The following CFAP70 variants were observed in gnomAD, a reference collection of about 807,000 sequenced individuals.
CFAP70 encodes the protein cilia- and flagella-associated protein 70.
A neutral mutation model predicts 137.6 loss-of-function variants in CFAP70; 81 were observed. That is an observed-to-expected ratio of 0.59 (90% CI 0.49 to 0.71). The LOEUF is 0.71. CFAP70 is among the 30% of genes least tolerant of loss of function. The probability of loss-of-function intolerance (pLI) is 0.00; values close to 1 mark genes in which losing one functional copy is unlikely to be tolerated. For missense variants in CFAP70, 976 were observed against 1,226.7 expected (o/e 0.80, Z 3.05); for synonymous variants, 382 against 423.6 (o/e 0.90, Z 1.20).
chr10:73,283,154 T>C (rs2047388977), intron 19 of CFAP70, among the ~76,000 whole-genome samples: 1 of 152,188 alleles, frequency 6.6e-6, no homozygotes, highest in African/African-American at 2.4e-5. Context: ...TTTCCTGTTA[T>C]CTTTCTATTA....
intron 9 of CFAP70, among the ~76,000 whole-genome samples, chr10:73,315,594 CTT>C: frequency 1.3e-5 from 2 of 152,104 alleles, no homozygotes; most frequent in African/African-American, 4.8e-5. Flanking sequence ...GGGTCTCACT[CTT>C]GTCACCCAAG....
At chr10:73,279,480 T>C (rs1361100823) in intron 19 of CFAP70, among the ~76,000 whole-genome samples, 2 of 151,034 alleles carry the variant, frequency 1.3e-5, no homozygotes, top group African/African-American at 4.9e-5. Context: ...GCCCAGATGG[T>C]GCCACTGCAC....
In CFAP70 at chr10:73,311,927, G is replaced by T; in HGVS notation, c.1084-13C>A. On this transcript the variant is annotated splice_polypyrimidine_tract_variant and intron_variant, in intron 10 of 26. Transcript: ENST00000310715. ...TACTAGGTGCCTGCTGAAAGAAAAT[G>T]AACACACCTCAAAAATTGAATTCCT... 5 of 1,603,578 alleles carry T rather than the reference G, an allele frequency of 3.1e-6. No individual in the cohort carries two copies. The highest frequency in any genetic ancestry group is 4.3e-6 in the Non-Finnish European group (5 of 1,170,618).
intron 8 of CFAP70, 63 bp from the exon 10 acceptor site, chr10:73,323,160 C>T (rs2051032341): frequency 7.0e-7 from 1 of 1,438,084 alleles, no homozygotes; most frequent in Non-Finnish European, 9.2e-7. Flanking sequence ...GTATGGAGCT[C>T]TGACTCAGCA....
intron 25 of CFAP70, among the ~76,000 whole-genome samples, chr10:73,268,162 A>G (rs1409671363): frequency 1.3e-5 from 2 of 152,208 alleles, no homozygotes; most frequent in African/African-American, 4.8e-5. Flanking sequence ...TAATAGATTA[A>G]TCTTAGGGGA....
chr10:73,313,344 C>A (rs1273700540), intron 9 of CFAP70, among the ~76,000 whole-genome samples: 5 of 137,244 alleles, frequency 3.6e-5, no homozygotes, highest in Non-Finnish European at 7.6e-5. Flanking sequence ...TGCTCTCCAG[C>A]TTGGGCGATA....
chr10:73,346,558 G>A (rs534826470), intron 4 of CFAP70, among the ~76,000 whole-genome samples: 3 of 151,800 alleles, frequency 2.0e-5, no homozygotes, highest in East Asian at 3.9e-4. Context: ...CAGGAGAATC[G>A]CTTGAACTCA....
chr10:73,299,024 T>C (rs1288813715), exon 14 of CFAP70: 7 of 1,613,986 alleles, frequency 4.3e-6, no homozygotes, highest in Non-Finnish European at 5.1e-6. Flanking sequence ...TGGCCACCTG[T>C]TTTCCAAACA....
exon 10 of CFAP70, chr10:73,312,519 G>A (rs1184803598): frequency 1.2e-6 from 2 of 1,612,046 alleles, no homozygotes; most frequent in Non-Finnish European, 8.5e-7. Context: ...TTCTTTCACT[G>A]GTTTATCTTC....
intron 15 of CFAP70, 34 bp from the exon 17 acceptor site, chr10:73,293,422 TG>T (rs776271225): frequency 2.5e-5 from 39 of 1,541,742 alleles, no homozygotes; most frequent in Non-Finnish European, 3.4e-5. Flanking sequence ...TAGACAAAAA[TG>T]AAACAATTAC....
At chr10:73,282,034 A>G (rs1564778807) in intron 19 of CFAP70, among the ~76,000 whole-genome samples, 1 of 152,202 alleles carries the variant, frequency 6.6e-6, no homozygotes, top group East Asian at 1.9e-4. Flanking sequence ...CCTAATGAAA[A>G]GAAATAAAAA....
intron 12 of CFAP70, among the ~76,000 whole-genome samples, chr10:73,301,371 C>A (rs1589406036): frequency 6.6e-6 from 1 of 152,134 alleles, no homozygotes; most frequent in East Asian, 1.9e-4. Context: ...TGTGGCACCT[C>A]CCCCAACTCC....
chr10:73,277,511 G>C, intron 20 of CFAP70, 150 bp from the exon 22 acceptor site: 1 of 714,808 alleles, frequency 1.4e-6, no homozygotes, highest in Non-Finnish European at 2.1e-6. Flanking sequence ...TCAGGAGTTC[G>C]AGACCATCCT....
Position 73,335,493 on chromosome 10 carries a change from A to G in CFAP70, c.614T>C (p.Ile205Thr), listed in dbSNP as rs1329684672. 5 of 1,611,802 alleles carry G rather than the reference A, an allele frequency of 3.1e-6. No individual in the cohort carries two copies. The Admixed American group carries it at 6.7e-5, about 22-fold the overall frequency. ...CAAGTCCCAAATAATCCTTTTCTTTATGCACTCTGCTTGATTCCTAAATTC... is the reference window on the plus strand; with the variant it reads ...CAAGTCCCAAATAATCCTTTTCTTTGTGCACTCTGCTTGATTCCTAAATTC... Residue 205 changes from isoleucine (I) to threonine (T), a missense_variant, in exon 7 of 27, where the codon ATA becomes ACA. Ile to Thr is a moderately conservative substitution (Grantham distance 89). Coordinates refer to ENST00000310715, the Ensembl canonical transcript of CFAP70.
chr10:73,358,790 C>G (rs1272911719), upstream of CFAP70: 2 of 152,346 alleles, frequency 1.3e-5, no homozygotes, highest in African/African-American at 4.8e-5. Flanking sequence ...TTGGCCATCG[C>G]ACGAGCAAGT....
At chr10:73,335,483 C>T (rs771696821) in exon 7 of CFAP70, 5 of 1,612,044 alleles carry the variant, frequency 3.1e-6, no homozygotes, top group Middle Eastern at 1.7e-4. Context: ...CCCAAATAAT[C>T]CTTTTCTTTA....
At chr10:73,295,528 TCCC>T (rs1178577037) in intron 15 of CFAP70, 5 of 152,054 alleles carry the variant, frequency 3.3e-5, no homozygotes, top group African/African-American at 4.8e-5. Context: ...ATAATTTGAA[TCCC>T]CCCATTAGCC....
At chr10:73,359,790 G>C (rs549586847), upstream of CFAP70, among the ~76,000 whole-genome samples, 2 of 152,208 alleles carry the variant, frequency 1.3e-5, no homozygotes, top group Admixed American at 1.3e-4. Context: ...CTTGATTACA[G>C]AGGGGGAAAC....
At chr10:73,349,061 CAA>C (rs56392713) in intron 3 of CFAP70, among the ~76,000 whole-genome samples, 21 of 91,632 alleles carry the variant, frequency 2.3e-4, no homozygotes, top group East Asian at 5.1e-4. Context: ...AACTCCGTCT[CAA>C]AAAAAAAAAA....
Sources: gnomAD v4.1 joint callset for allele counts (sites outside exome capture counted in the v4.1 genomes callset) on GRCh38, gnomAD v4.1.1 for gene constraint, MANE v1.5 for transcripts, NCBI Gene and HGNC (gene_info 2026-07-23, HGNC 2026-07-21) for gene names.